CHST3: variants seen among roughly 807,000 people sequenced by gnomAD.
The protein encoded by CHST3 is C6ST-1.
A neutral mutation model predicts 35.4 loss-of-function variants in CHST3; 20 were observed. The ratio of observed to expected loss-of-function variants is 0.57; its 90% CI spans 0.40 to 0.82. CHST3 has a LOEUF of 0.82. Among genes scored for constraint, CHST3 ranks in the 40% least tolerant of loss-of-function variants. The probability of loss-of-function intolerance (pLI) is 0.00; values close to 1 mark genes in which losing one functional copy is unlikely to be tolerated. For synonymous variants in CHST3, 334 were observed against 295.9 expected, an observed-to-expected ratio of 1.13 and a Z score of -1.32; for missense variants, 693 against 670.1, an observed-to-expected ratio of 1.03 and a Z score of -0.38.
At chr10:71,968,072 C>T (rs7912541) in intron 1 of CHST3, among the ~76,000 whole-genome samples, 42,166 of 151,474 alleles carry the variant, frequency 0.28, 5,859 homozygotes, top group South Asian at 0.31. Context: ...CACCTCAGCC[C>T]CGCAAAATGC....
intron 1 of CHST3, among the ~76,000 whole-genome samples, chr10:71,982,739 C>A (rs945973792): frequency 8.6e-5 from 13 of 151,978 alleles, no homozygotes; most frequent in Non-Finnish European, 1.6e-4. Flanking sequence ...CAGAGCATGA[C>A]CCTGTCTCAA....
In CHST3 at chr10:72,007,665, G is replaced by A. The variant is rs371650865; in HGVS notation, c.634G>A (p.Glu212Lys). Residue 212 changes from glutamate to lysine, a missense_variant, in exon 3 of 3, where the codon GAG (glutamate) becomes AAG (lysine). Glu to Lys is a moderately conservative substitution (Grantham distance 56). Coordinates refer to ENST00000373115, the MANE Select transcript of CHST3 (RefSeq NM_004273.5). Reference protein sequence around the residue: ...VLEHFITPLPEDHLTQFMFRR... With the variant: ...VLEHFITPLPKDHLTQFMFRR... ...GGAGCACTTCATCACGCCGCTGCCC[G>A]AGGACCACCTGACTCAGTTCATGTT... The A allele has an allele frequency of 3.3e-5, 53 of 1,609,046 alleles. 1 individual carries two copies. The South Asian group carries it at 4.0e-4, about 12-fold the overall frequency.
At chr10:71,980,931 G>A (rs753693622) in intron 1 of CHST3, among the ~76,000 whole-genome samples, 13 of 152,198 alleles carry the variant, frequency 8.5e-5, no homozygotes, top group Non-Finnish European at 1.3e-4. Flanking sequence ...GAAAAGGCCT[G>A]CTAAGCAAAG....
At chr10:71,979,106 T>C (rs1839775361) in intron 1 of CHST3, among the ~76,000 whole-genome samples, 1 of 152,180 alleles carries the variant, frequency 6.6e-6, no homozygotes, top group South Asian at 2.1e-4. Context: ...TTACCTCTAA[T>C]ACAAGGTGAA....
chr10:71,984,113 C>T (rs1022810861), intron 1 of CHST3, among the ~76,000 whole-genome samples: 1 of 152,238 alleles, frequency 6.6e-6, no homozygotes, highest in Non-Finnish European at 1.5e-5. Context: ...GCCTCCGCCT[C>T]CCAGGTTCAA....
At chr10:71,973,856 A>G (rs1258890481) in intron 1 of CHST3, among the ~76,000 whole-genome samples, 1 of 151,998 alleles carries the variant, frequency 6.6e-6, no homozygotes, top group Non-Finnish European at 1.5e-5. Context: ...GATTGAAGAC[A>G]GGGACTGGTG....
intron 1 of CHST3, among the ~76,000 whole-genome samples, chr10:71,976,352 G>C (rs771622007): frequency 3.9e-5 from 6 of 152,186 alleles, no homozygotes; most frequent in Non-Finnish European, 8.8e-5. Context: ...TGGGGACACG[G>C]GTCTGCGGGC....
intron 1 of CHST3, among the ~76,000 whole-genome samples, chr10:71,978,643 G>A (rs1269966908): frequency 6.6e-6 from 1 of 152,238 alleles, no homozygotes; most frequent in African/African-American, 2.4e-5. Context: ...GCGCTCCCAT[G>A]TGGTAGGTGC....
chr10:71,995,994 A>G (rs2131760584), intron 1 of CHST3, among the ~76,000 whole-genome samples: 1 of 152,354 alleles, frequency 6.6e-6, no homozygotes, highest in South Asian at 2.1e-4. Context: ...GTATCTGTGA[A>G]GCATAATAAA....
intron 1 of CHST3, among the ~76,000 whole-genome samples, chr10:71,990,369 C>CTT (rs138507392): frequency 6.8e-6 from 1 of 146,754 alleles, no homozygotes; most frequent in Non-Finnish European, 1.5e-5. Flanking sequence ...AATAATTTTT[C>CTT]TTTTTTTTTT....
At chr10:71,991,980 G>A (rs1839900772) in intron 1 of CHST3, among the ~76,000 whole-genome samples, 1 of 151,874 alleles carries the variant, frequency 6.6e-6, no homozygotes, top group African/African-American at 2.4e-5. Flanking sequence ...TCTATTAAGT[G>A]TACAGTAGTA....
At chr10:72,001,841 C>G (rs1839996310) in intron 1 of CHST3, among the ~76,000 whole-genome samples, 1 of 152,094 alleles carries the variant, frequency 6.6e-6, no homozygotes, top group African/African-American at 2.4e-5. Flanking sequence ...TCGGTTCTAC[C>G]CATGAACTAA....
intron 1 of CHST3, among the ~76,000 whole-genome samples, chr10:71,975,888 C>G (rs1839740288): frequency 1.3e-5 from 2 of 152,266 alleles, no homozygotes; most frequent in South Asian, 4.1e-4. Flanking sequence ...CGTGATTATC[C>G]TTGCTTTCCA....
chr10:71,982,342 A>C (rs1839808494), intron 1 of CHST3, among the ~76,000 whole-genome samples: 1 of 152,256 alleles, frequency 6.6e-6, no homozygotes, highest in Admixed American at 6.5e-5. Flanking sequence ...AGCCTCCAGA[A>C]GCTGGGAAAG....
chr10:72,008,049 C>A lies in CHST3; in HGVS notation c.1018C>A (p.Arg340=), dbSNP rs1441381142. The A allele has an allele frequency of 1.3e-6, 2 of 1,549,184 alleles. No homozygotes were observed. The part of the protein sequence containing the change: ...QDGLREEEVQ[R]LRGNCESIRL... ...CGGCCTGAGGGAAGAGGAGGTGCAG[C>A]GGCTGCGGGGCAACTGCGAGAGCAT... Residue 340 remains arginine, a synonymous_variant, in exon 3 of 3, where the codon CGG becomes AGG. Coordinates refer to ENST00000373115, the MANE Select transcript of CHST3 (RefSeq NM_004273.5).
chr10:72,006,036 G>C, intron 2 of CHST3, 54 bp downstream of exon 2: 187 of 1,097,004 alleles, frequency 1.7e-4, no homozygotes, highest in Middle Eastern at 4.1e-4. Context: ...GGTGGGTGGG[G>C]ACAGGGAGGT....
At chr10:71,974,808 C>T (rs1839729898) in intron 1 of CHST3, among the ~76,000 whole-genome samples, 2 of 152,186 alleles carry the variant, frequency 1.3e-5, no homozygotes, top group South Asian at 4.1e-4. Flanking sequence ...CAGCTTCCTG[C>T]ACTGGGTTCT....
Position 71,988,377 on chromosome 10 carries a change from A to G in CHST3, c.-107-17359A>G, listed in dbSNP as rs142389532. Among the ~76,000 whole-genome samples, 890 of 152,260 alleles carry G rather than the reference A, an allele frequency of 5.8e-3. 11 individuals carry two copies. Among genetic ancestry groups the G allele is most frequent in the African/African-American group, 0.021 (852 of 41,556 alleles). On this transcript the variant is annotated intron_variant, in intron 1 of 2. Coordinates refer to ENST00000373115, the MANE Select transcript of CHST3 (RefSeq NM_004273.5). ...ATCTCATGTTGAATTGTAATCCCCA[A>G]TGCTGGAAGTGGGGCCTGGTGGGAG... is the stretch of plus-strand genomic sequence containing the variant.
At position 72,008,652 on chromosome 10, in the gene CHST3, G is replaced by A; in HGVS notation, c.*181G>A. On this transcript the variant is annotated 3_prime_UTR_variant, in exon 3 of 3. Coordinates refer to ENST00000373115, the MANE Select transcript of CHST3 (RefSeq NM_004273.5). ...AGGGTTAATTGCGGAGAACAGGACA[G>A]TGCCCGGTCCCCTTGAGGGCCATCA... The A allele has an allele frequency of 7.7e-7, 1 of 1,301,100 alleles. No homozygotes were observed. 80.6% of individuals were successfully genotyped at this position (1,301,100 alleles called of 1,614,324 possible).
Sources: gnomAD v4.1 joint callset for allele counts (sites outside exome capture counted in the v4.1 genomes callset) on GRCh38, gnomAD v4.1.1 for gene constraint, MANE v1.5 for transcripts, NCBI Gene and HGNC (gene_info 2026-07-23, HGNC 2026-07-21) for gene names.